ARHGEF12: variants seen among roughly 807,000 people sequenced by gnomAD.
ARHGEF12 encodes the protein Rho guanine nucleotide exchange factor 12, also known as KMT2A/ARHGEF12 fusion protein.
In ARHGEF12, 66 loss-of-function variants were observed where a neutral mutation model predicts 211.2. The observed-to-expected ratio is 0.31, with a 90% CI of 0.26 to 0.38. The LOEUF (loss-of-function observed/expected upper bound fraction) is 0.38. ARHGEF12 is among the 10% of genes least tolerant of loss of function. The probability of loss-of-function intolerance (pLI) is 1.00; values close to 1 mark genes in which losing one functional copy is unlikely to be tolerated. For synonymous variants in ARHGEF12, 592 were observed against 638.4 expected (o/e 0.93, Z 1.09); for missense variants, 1,429 against 1,869.5 (o/e 0.76, Z 4.34).
chr11:120,368,663 GACCAAT>G (rs1294709363), intron 1 of ARHGEF12, among the ~76,000 whole-genome samples: 1 of 152,104 alleles, frequency 6.6e-6, no homozygotes, highest in Non-Finnish European at 1.5e-5. Flanking sequence ...ATCTCAGTCT[GACCAAT>G]ACCAAAACTC....
chr11:120,356,370 G>A (rs559985173), intron 1 of ARHGEF12, among the ~76,000 whole-genome samples: 3 of 152,200 alleles, frequency 2.0e-5, no homozygotes, highest in Non-Finnish European at 4.4e-5. Context: ...ACAGGTGTGC[G>A]CCACCACACC....
At position 120,336,586 on chromosome 11, in the gene ARHGEF12, T is replaced by A. The variant is rs1005077344; in HGVS notation, c.-658T>A. On this transcript the variant is annotated 5_prime_UTR_variant, in exon 1 of 41. Coordinates refer to ENST00000397843, the MANE Select transcript of ARHGEF12 (RefSeq NM_015313.3). ...CGGGCCTCAAAGGGATGGGGAGCAG[T>A]CCGCGGCGCTGAGAGACCCGGGTCC... 6.6e-6 allele frequency among the ~76,000 whole-genome samples: 1 copy of A among 151,970 alleles called. No homozygotes were observed. Among genetic ancestry groups the A allele is most frequent in the Non-Finnish European group, 1.5e-5 (1 of 67,932 alleles).
chr11:120,437,057 C>T (rs1310281643), intron 11 of ARHGEF12, among the ~76,000 whole-genome samples: 1 of 152,054 alleles, frequency 6.6e-6, no homozygotes, highest in Admixed American at 6.5e-5. Flanking sequence ...AAGTAACCTC[C>T]AGGCCTGGAG....
intron 1 of ARHGEF12, among the ~76,000 whole-genome samples, chr11:120,365,196 A>G (rs548920377): frequency 6.6e-6 from 1 of 152,232 alleles, no homozygotes; most frequent in East Asian, 1.9e-4. Flanking sequence ...ATATATATAT[A>G]TTGCCTTTGT....
At position 120,441,703 on chromosome 11, in the gene ARHGEF12, C is replaced by G. The variant is rs756435030; in HGVS notation, c.1093-4C>G. ...TACTGATGCATAATCATTTCTTCCT[C>G]TAGATCAATGGACAGTGCAGCTGTT... On this transcript the variant is annotated splice_polypyrimidine_tract_variant and splice_region_variant and intron_variant, in intron 13 of 40. Coordinates refer to ENST00000397843, the MANE Select transcript of ARHGEF12 (RefSeq NM_015313.3). 13 of 1,610,958 alleles carry G rather than the reference C, an allele frequency of 8.1e-6. No homozygotes were observed. Among genetic ancestry groups the G allele is most frequent in the Admixed American group, 1.7e-5 (1 of 59,888 alleles).
At chr11:120,375,961 A>T (rs1943713353) in intron 1 of ARHGEF12, among the ~76,000 whole-genome samples, 1 of 152,132 alleles carries the variant, frequency 6.6e-6, no homozygotes, top group African/African-American at 2.4e-5. Flanking sequence ...ATTTGACTGG[A>T]GTATGGGTTG....
chr11:120,336,722 A>C lies in ARHGEF12; in HGVS notation c.-522A>C. ...AGGAGCCCCGGGCCCGGGACATGGA[A>C]TCGCGCGAGCCCGGCGCGGGACGGC... On this transcript the variant is annotated 5_prime_UTR_variant, in exon 1 of 41. Transcript: ENST00000397843. Among the ~76,000 whole-genome samples the C allele has an allele frequency of 6.6e-6, 1 of 151,962 alleles. No homozygotes were observed. Among genetic ancestry groups the C allele is most frequent in the Admixed American group, 6.5e-5 (1 of 15,292 alleles).
intron 11 of ARHGEF12, among the ~76,000 whole-genome samples, chr11:120,433,652 C>T (rs180920962): frequency 3.3e-5 from 5 of 152,010 alleles, no homozygotes; most frequent in Non-Finnish European, 7.4e-5. Context: ...AGAAATATAA[C>T]CTTATAAAAG....
intron 4 of ARHGEF12, among the ~76,000 whole-genome samples, chr11:120,419,999 G>A (rs555137549): frequency 3.3e-5 from 5 of 152,222 alleles, no homozygotes; most frequent in African/African-American, 1.2e-4. Flanking sequence ...CTCTGGCTGG[G>A]GCCCTCTTTC....
chr11:120,480,800 G>A lies in ARHGEF12; in HGVS notation c.4237+370G>A, dbSNP rs143826542. Among the ~76,000 whole-genome samples, 1,381 of 152,278 alleles carry A rather than the reference G, an allele frequency of 9.1e-3. 30 individuals are homozygous for A. The highest frequency in any genetic ancestry group is 0.034 in the Middle Eastern group (10 of 294). On this transcript the variant is annotated intron_variant, in intron 38 of 40. Transcript: ENST00000397843. ...AGGGTGATCAGGGATTAGGACCTCC[G>A]ATGAGGTAGCATTTGAGCAGAGACC... is the stretch of plus-strand genomic sequence containing the variant.
At chr11:120,477,862 C>CAAAAAAAAAAAA (rs528182938) in intron 36 of ARHGEF12, among the ~76,000 whole-genome samples, 2 of 69,364 alleles carry the variant, frequency 2.9e-5, no homozygotes, top group African/African-American at 6.1e-5. Flanking sequence ...ACCGAAACAC[C>CAAAAAAAAAAAA]AAAAAAAAAA....
rs530383935 is a variant in ARHGEF12, at chr11:120,474,504, A to G, written c.3034-56A>G. ...TAAAAGAGACTGTATTATATAGATAATCATGTTACTGAGTGCTTGGAAATT... is the reference window on the plus strand; with the variant it reads ...TAAAAGAGACTGTATTATATAGATAGTCATGTTACTGAGTGCTTGGAAATT... On this transcript the variant is annotated intron_variant, in intron 31 of 40. Transcript: ENST00000397843. 1.2e-4 allele frequency: 151 copies of G among 1,256,160 alleles called. 2 individuals are homozygous for G. The South Asian group carries it at 1.6e-3, about 13-fold the overall frequency. 77.8% of individuals were successfully genotyped at this position (1,256,160 alleles called of 1,614,324 possible).
Position 120,442,127 on chromosome 11 carries a change from G to A in ARHGEF12, c.1227G>A (p.Leu409=). 1 of 1,609,268 alleles carries A rather than the reference G, an allele frequency of 6.2e-7. No individual in the cohort carries two copies. Among genetic ancestry groups the A allele is most frequent in the South Asian group, 1.1e-5 (1 of 90,814 alleles). ...ATLLCYLYSD[L]YKHTNSKETR... is the part of the protein sequence containing the mutation. Reference sequence around the variant, plus strand: ...AGCTCTGTTATCTCTATTCAGACCTGTATAAACATACCAATTCCAAAGAAA... The same window carrying A: ...AGCTCTGTTATCTCTATTCAGACCTATATAAACATACCAATTCCAAAGAAA... Residue 409 remains leucine (L), a synonymous_variant, in exon 15 of 41, where the codon CTG becomes CTA. Transcript: ENST00000397843.
At chr11:120,399,743 T>A (rs1944504999) in intron 1 of ARHGEF12, among the ~76,000 whole-genome samples, 2 of 152,206 alleles carry the variant, frequency 1.3e-5, no homozygotes, top group South Asian at 4.1e-4. Flanking sequence ...GAATCACTTT[T>A]TCTTGCTGCA....
chr11:120,378,176 C>T (rs1943784407), intron 1 of ARHGEF12, among the ~76,000 whole-genome samples: 1 of 152,218 alleles, frequency 6.6e-6, no homozygotes, highest in Non-Finnish European at 1.5e-5. Context: ...CTCATCAACA[C>T]TTGGTAGTAT....
At chr11:120,388,085 G>A (rs114111612) in intron 1 of ARHGEF12, among the ~76,000 whole-genome samples, 1,736 of 152,100 alleles carry the variant, frequency 0.011, 32 homozygotes, top group African/African-American at 0.038. Flanking sequence ...TAATTTCTCC[G>A]TCCCTCCACC....
chr11:120,467,411 C>T (rs964793017), intron 29 of ARHGEF12, 103 bp downstream of exon 29: 1 of 578,724 alleles, frequency 1.7e-6, no homozygotes, highest in Non-Finnish European at 2.9e-6. Context: ...AGTTGGATTT[C>T]CAAATAGTAT....
At chr11:120,375,285 A>C (rs1396257913) in intron 1 of ARHGEF12, among the ~76,000 whole-genome samples, 2 of 152,268 alleles carry the variant, frequency 1.3e-5, no homozygotes, top group South Asian at 4.1e-4. Flanking sequence ...AATCCATGGG[A>C]GTCTTGAGAT....
chr11:120,483,278 T>A (rs1947304729), intron 39 of ARHGEF12, among the ~76,000 whole-genome samples: 1 of 148,966 alleles, frequency 6.7e-6, no homozygotes, highest in African/African-American at 2.5e-5. Context: ...TTTTTTTTTT[T>A]TTGAGACAGT....
Sources: allele counts gnomAD v4.1 joint callset (sites outside exome capture counted in the v4.1 genomes callset), GRCh38; gene constraint gnomAD v4.1.1; transcripts MANE v1.5; gene names NCBI Gene and HGNC (gene_info 2026-07-23, HGNC 2026-07-21).